The following SLC25A48 variants were observed in gnomAD, a reference collection of about 807,000 sequenced individuals.
The protein encoded by SLC25A48 is CTC-321K16.1.
A neutral mutation model predicts 32.2 loss-of-function variants in SLC25A48; 29 were observed. The ratio of observed to expected loss-of-function variants is 0.90; its 90% CI spans 0.67 to 1.23. SLC25A48 has a LOEUF of 1.23. SLC25A48 is among the 50% of genes most tolerant of loss of function. The probability of loss-of-function intolerance (pLI) is 0.00; values close to 1 mark genes in which losing one functional copy is unlikely to be tolerated. For missense variants in SLC25A48, 399 were observed against 422.7 expected (o/e 0.94, Z 0.49); for synonymous variants, 164 against 172.3 (o/e 0.95, Z 0.38).
intron 7 of SLC25A48, chr5:135,883,560 G>GA: frequency 2.4e-6 from 2 of 821,482 alleles, no homozygotes; most frequent in Non-Finnish European, 2.9e-6. Flanking sequence ...GGCCCAGAGG[G>GA]AAAACCCCTC....
chr5:135,671,617 T>A (rs1489448693), intron 3 of SLC25A48: 1 of 152,146 alleles, frequency 6.6e-6, no homozygotes, highest in East Asian at 1.9e-4. Flanking sequence ...CCCATTAACA[T>A]TTGATGAATC....
At chr5:135,758,326 T>C (rs1414867889) in intron 3 of SLC25A48, among the ~76,000 whole-genome samples, 1 of 150,852 alleles carries the variant, frequency 6.6e-6, no homozygotes, top group Non-Finnish European at 1.5e-5. Context: ...TAACACACTG[T>C]GGTATTAATA....
rs201433873 is a variant in SLC25A48, at chr5:135,782,978, CA to C, written c.-520-29544del. 7.1e-4 allele frequency among the ~76,000 whole-genome samples: 71 copies of C among 100,126 alleles called. 6 individuals carry two copies. The East Asian group carries it at 0.015, about 21-fold the overall frequency. The allele number at this position is 100,126 out of a possible 152,430, so 65.7% of individuals were successfully genotyped here. A position where few individuals can be genotyped will look rare whatever the true frequency, so the allele number is the denominator to read the frequency against. On this transcript the variant is annotated intron_variant, in intron 3 of 10. Transcript: ENST00000646290. ...CCACTGTGATATTGTTCCTAACATC[CA>C]GGGGGGGAGAATGATATTATTTCCA...
Position 135,660,505 on chromosome 5 carries a change from A to G in SLC25A48, c.-521+25549A>G, listed in dbSNP as rs538658012. Reference sequence around the variant, plus strand: ...AAAGAAGCTGTTCTCCATGCTGTTTACAAGGTCAGCATCATAGTGGCTAAC... The same window carrying G: ...AAAGAAGCTGTTCTCCATGCTGTTTGCAAGGTCAGCATCATAGTGGCTAAC... On this transcript the variant is annotated intron_variant, in intron 3 of 10. Coordinates refer to the SLC25A48 transcript ENST00000646290. Among the ~76,000 whole-genome samples, 9 of 152,326 alleles carry G rather than the reference A, an allele frequency of 5.9e-5. No homozygotes were observed. In the South Asian group the frequency reaches 1.9e-3, roughly 32 times the overall value.
At chr5:135,795,622 C>T (rs887784457) in intron 3 of SLC25A48, among the ~76,000 whole-genome samples, 2 of 151,812 alleles carry the variant, frequency 1.3e-5, no homozygotes, top group African/African-American at 4.8e-5. Flanking sequence ...TTACTGCCAA[C>T]ATCACAGGGG....
At chr5:135,781,242 G>T (rs184619348) in intron 3 of SLC25A48, among the ~76,000 whole-genome samples, 1 of 116,166 alleles carries the variant, frequency 8.6e-6, no homozygotes, top group Non-Finnish European at 2.1e-5. Flanking sequence ...ATATCCAGGC[G>T]GGGGGAGTGG....
intron 3 of SLC25A48, among the ~76,000 whole-genome samples, chr5:135,754,964 T>C (rs1258661988): frequency 6.6e-6 from 1 of 152,134 alleles, no homozygotes. Context: ...ATCCCTCTTC[T>C]ATTTATAATA....
chr5:135,766,163 C>T (rs1330340156), intron 3 of SLC25A48, among the ~76,000 whole-genome samples: 1 of 150,552 alleles, frequency 6.6e-6, no homozygotes, highest in South Asian at 2.1e-4. Context: ...GGGTGATACT[C>T]CCAATAACGC....
intron 3 of SLC25A48, among the ~76,000 whole-genome samples, chr5:135,684,426 A>G (rs970836417): frequency 5.3e-5 from 8 of 152,150 alleles, no homozygotes; most frequent in African/African-American, 1.9e-4. Flanking sequence ...ATCTGCAAGG[A>G]AGAGAAGGAA....
In SLC25A48 at chr5:135,783,383, T is replaced by A. The variant is rs1756765822; in HGVS notation, c.-520-29140T>A. On this transcript the variant is annotated intron_variant, in intron 3 of 10. Coordinates refer to the SLC25A48 transcript ENST00000646290. ...AGAAGGGGAAAGAATGATATTACTT[T>A]CAGTATCACATGGGGTGTACACCAT... Among the ~76,000 whole-genome samples the A allele has an allele frequency of 2.5e-5, 3 of 118,314 alleles. 1 individual carries two copies. Among genetic ancestry groups the A allele is most frequent in the African/African-American group, 7.7e-5 (3 of 38,918 alleles). 77.6% of individuals were successfully genotyped at this position (118,314 alleles called of 152,430 possible). A position where few individuals can be genotyped will look rare whatever the true frequency, so the allele number is the denominator to read the frequency against.
intron 3 of SLC25A48, among the ~76,000 whole-genome samples, chr5:135,656,443 CT>C (rs1753251003): frequency 6.6e-6 from 1 of 152,174 alleles, no homozygotes; most frequent in Admixed American, 6.5e-5. Flanking sequence ...CTTTGGAGGT[CT>C]GCTAACTTTC....
At chr5:135,845,231 C>T (rs891493681) in intron 2 of SLC25A48, among the ~76,000 whole-genome samples, 2 of 152,202 alleles carry the variant, frequency 1.3e-5, no homozygotes, top group African/African-American at 2.4e-5. Context: ...AACTCCAGGC[C>T]CTGCCTGTCT....
chr5:135,728,885 T>TACAC (rs1307470314), intron 3 of SLC25A48, among the ~76,000 whole-genome samples: 3 of 105,832 alleles, frequency 2.8e-5, no homozygotes, highest in Non-Finnish European at 5.8e-5. Context: ...CACACACACA[T>TACAC]ACACACACAC....
At position 135,795,555 on chromosome 5, in the gene SLC25A48, G is replaced by A. The variant is rs561867608; in HGVS notation, c.-520-16968G>A. ...TATTACGCTCAATATTGCCATGCAT[G>A]TACACTCCCCTCCCACGTGATACTG... On this transcript the variant is annotated intron_variant, in intron 3 of 10. Transcript: ENST00000646290. Among the ~76,000 whole-genome samples the A allele has an allele frequency of 3.3e-5, 5 of 151,858 alleles. No homozygotes were observed. In the South Asian group the frequency reaches 8.3e-4, roughly 25 times the overall value.
At chr5:135,792,227 T>A (rs10069058) in intron 3 of SLC25A48, among the ~76,000 whole-genome samples, 99,062 of 151,336 alleles carry the variant, frequency 0.65, 34,378 homozygotes, top group Non-Finnish European at 0.77. Context: ...CCTTTGGTGA[T>A]TTTAACTTTA....
rs549020282 is a variant in SLC25A48, at chr5:135,687,160, TTCTGACATTAAGGAATCTTATTTAC to T, written c.-521+52216_-521+52240del. On this transcript the variant is annotated intron_variant, in intron 3 of 10. Coordinates refer to the SLC25A48 transcript ENST00000646290. ...GTGGGAACCAGGGAGACTGAAAGAA[TTCTGACATTAAGGAATCTTATTTAC>T]TCTGACATTAAAGAATCTTATTTAC... is the stretch of plus-strand genomic sequence containing the variant. Among the ~76,000 whole-genome samples, 856 of 152,324 alleles carry T rather than the reference TTCTGACATTAAGGAATCTTATTTAC, an allele frequency of 5.6e-3. 7 individuals are homozygous for T. Among genetic ancestry groups the T allele is most frequent in the African/African-American group, 0.019 (786 of 41,570 alleles).
intron 3 of SLC25A48, chr5:135,652,393 A>G (rs1312777648): frequency 2.2e-6 from 1 of 456,224 alleles, no homozygotes; most frequent in Non-Finnish European, 4.4e-6. Flanking sequence ...ACCACCATCC[A>G]TGGATTCACA....
chr5:135,654,074 A>T, intron 3 of SLC25A48: 1 of 365,306 alleles, frequency 2.7e-6, no homozygotes, highest in Non-Finnish European at 5.4e-6. Flanking sequence ...AGTGGGACCC[A>T]ATTGTGACAT....
At chr5:135,879,905 T>G in intron 6 of SLC25A48, 63 bp from the exon 7 acceptor site, 1 of 1,519,272 alleles carries the variant, frequency 6.6e-7, no homozygotes, top group Non-Finnish European at 8.8e-7. Flanking sequence ...TCTCTGCCCC[T>G]CCTTGGTGGC....
Sources: allele counts gnomAD v4.1 joint callset (sites outside exome capture counted in the v4.1 genomes callset), GRCh38; gene constraint gnomAD v4.1.1; transcripts MANE v1.5; gene names NCBI Gene and HGNC (gene_info 2026-07-23, HGNC 2026-07-21).